Variants in SIPA1L1 observed in about 807,000 individuals in gnomAD.
SIPA1L1 encodes the protein signal induced proliferation associated 1 like 1, also known as signal-induced proliferation-associated 1-like protein 1.
In SIPA1L1, 26 loss-of-function variants were observed where a neutral mutation model predicts 162.7. The ratio of observed to expected loss-of-function variants is 0.16; its 90% CI spans 0.12 to 0.22. The LOEUF is 0.22. Among genes scored for constraint, SIPA1L1 ranks in the 10% least tolerant of loss-of-function variants. SIPA1L1 has a pLI of 1.00. For synonymous variants in SIPA1L1, 829 were observed against 837.4 expected, an observed-to-expected ratio of 0.99 and a Z score of 0.17; for missense variants, 1,874 against 2,241.0, an observed-to-expected ratio of 0.84 and a Z score of 3.31.
chr14:71,740,544 C>T lies in SIPA1L1; in HGVS notation c.*1383C>T, dbSNP rs1408196091. 1 of 152,200 alleles carries T rather than the reference C, an allele frequency of 6.6e-6. No homozygotes were observed. The highest frequency in any genetic ancestry group is 2.4e-5 in the African/African-American group (1 of 41,446). 9.4% of individuals were successfully genotyped at this position (152,200 alleles called of 1,614,324 possible). ...CTCTGGTCTAAGGGAACATTCAGCA[C>T]TCTAGCGGCATCTGATTGGAAGTTC... On this transcript the variant is annotated 3_prime_UTR_variant, in exon 24 of 24. Transcript: ENST00000381232.
At chr14:71,348,417 A>G (rs1356790963) in intron 2 of SIPA1L1, among the ~76,000 whole-genome samples, 1 of 152,158 alleles carries the variant, frequency 6.6e-6, no homozygotes, top group East Asian at 1.9e-4. Flanking sequence ...AAATTTATCC[A>G]TGTATTTCCT....
At chr14:71,492,520 A>G (rs1464188776) in intron 2 of SIPA1L1, among the ~76,000 whole-genome samples, 1 of 152,208 alleles carries the variant, frequency 6.6e-6, no homozygotes, top group Non-Finnish European at 1.5e-5. Context: ...GATATAGGTC[A>G]TGTTAATATA....
At chr14:71,502,253 A>ATATATATATATATAT (rs1555440974) in intron 2 of SIPA1L1, among the ~76,000 whole-genome samples, 44 of 89,878 alleles carry the variant, frequency 4.9e-4, no homozygotes, top group African/African-American at 1.5e-3. Context: ...AAAAAAAAAA[A>ATATATATATATATAT]AAATATATAT....
At chr14:71,328,103 T>C (rs2034050570) in intron 2 of SIPA1L1, among the ~76,000 whole-genome samples, 1 of 152,220 alleles carries the variant, frequency 6.6e-6, no homozygotes, top group African/African-American at 2.4e-5. Context: ...TTGTTTTATT[T>C]TTTAAATTAG....
At chr14:71,444,643 A>G (rs969000722) in intron 2 of SIPA1L1, among the ~76,000 whole-genome samples, 2 of 152,144 alleles carry the variant, frequency 1.3e-5, no homozygotes, top group Admixed American at 6.5e-5. Flanking sequence ...GTGAAAAGCA[A>G]GACTGACCTC....
intron 8 of SIPA1L1, among the ~76,000 whole-genome samples, chr14:71,651,734 C>G (rs1388672522): frequency 1.3e-5 from 2 of 152,096 alleles, no homozygotes; most frequent in Non-Finnish European, 2.9e-5. Flanking sequence ...AATGAATGGT[C>G]AGACTGGGAG....
At chr14:71,444,918 G>A (rs1434361654) in intron 2 of SIPA1L1, among the ~76,000 whole-genome samples, 1 of 152,180 alleles carries the variant, frequency 6.6e-6, no homozygotes, top group African/African-American at 2.4e-5. Context: ...TGCTTGTTCT[G>A]TGCCTAGAAG....
At chr14:71,668,833 C>G (rs542266527) in intron 10 of SIPA1L1, among the ~76,000 whole-genome samples, 90 of 152,312 alleles carry the variant, frequency 5.9e-4, no homozygotes, top group African/African-American at 2.1e-3. Flanking sequence ...AATATACATA[C>G]AGCCAAGCAG....
intron 2 of SIPA1L1, among the ~76,000 whole-genome samples, chr14:71,358,141 C>T (rs1787525640): frequency 6.6e-6 from 1 of 152,090 alleles, no homozygotes; most frequent in African/African-American, 2.4e-5. Context: ...GGATTACAGG[C>T]ATGAGCCACT....
At chr14:71,636,734 A>G (rs1006442227) in intron 7 of SIPA1L1, among the ~76,000 whole-genome samples, 5 of 152,158 alleles carry the variant, frequency 3.3e-5, no homozygotes, top group African/African-American at 1.2e-4. Context: ...CATTTGAGGA[A>G]ATTAATGAAA....
intron 2 of SIPA1L1, among the ~76,000 whole-genome samples, chr14:71,427,967 GT>G (rs1362809576): frequency 2.0e-5 from 3 of 151,590 alleles, no homozygotes; most frequent in Admixed American, 6.6e-5. Flanking sequence ...TGATTTTGTT[GT>G]TGTTGTTGAA....
intron 4 of SIPA1L1, among the ~76,000 whole-genome samples, chr14:71,565,688 AT>A (rs1203690638): frequency 2.6e-5 from 4 of 152,172 alleles, no homozygotes; most frequent in Non-Finnish European, 5.9e-5. Flanking sequence ...TCCTTTAAAT[AT>A]TCTGGCCATG....
intron 2 of SIPA1L1, among the ~76,000 whole-genome samples, chr14:71,412,547 A>G (rs2042480847): frequency 6.6e-6 from 1 of 152,204 alleles, no homozygotes; most frequent in South Asian, 2.1e-4. Flanking sequence ...GTGTGAGGGC[A>G]TGATAGGCCC....
At chr14:71,324,506 C>T (rs1300048744) in intron 2 of SIPA1L1, among the ~76,000 whole-genome samples, 4 of 152,104 alleles carry the variant, frequency 2.6e-5, no homozygotes, top group African/African-American at 7.2e-5. Context: ...CTTAAGGAAA[C>T]GAACGATCTG....
At chr14:71,558,303 G>T (rs766675053) in intron 4 of SIPA1L1, among the ~76,000 whole-genome samples, 3 of 152,112 alleles carry the variant, frequency 2.0e-5, no homozygotes, top group Non-Finnish European at 4.4e-5. Context: ...CATTGTATGA[G>T]ATGTTTGGTG....
intron 7 of SIPA1L1, among the ~76,000 whole-genome samples, chr14:71,634,414 A>G (rs1048133150): frequency 1.3e-5 from 2 of 151,632 alleles, no homozygotes; most frequent in African/African-American, 4.8e-5. Context: ...AAAAAAAAAA[A>G]AAAACCCACC....
At chr14:71,413,573 G>C (rs1171063108) in intron 2 of SIPA1L1, among the ~76,000 whole-genome samples, 3 of 152,026 alleles carry the variant, frequency 2.0e-5, no homozygotes, top group African/African-American at 7.2e-5. Context: ...CCCCGTCTCT[G>C]CTAAAAACAC....
intron 2 of SIPA1L1, among the ~76,000 whole-genome samples, chr14:71,458,736 T>C (rs1216722131): frequency 1.3e-5 from 2 of 152,070 alleles, no homozygotes; most frequent in African/African-American, 4.8e-5. Context: ...ATTTCTCCCT[T>C]GACATTGCAG....
chr14:71,388,417 C>T (rs1344805753), intron 2 of SIPA1L1, among the ~76,000 whole-genome samples: 1 of 152,162 alleles, frequency 6.6e-6, no homozygotes, highest in Non-Finnish European at 1.5e-5. Context: ...CTACTGTGTA[C>T]ATTAAGGATT....
Sources: allele counts gnomAD v4.1 joint callset (sites outside exome capture counted in the v4.1 genomes callset), GRCh38; gene constraint gnomAD v4.1.1; transcripts MANE v1.5; gene names NCBI Gene and HGNC (gene_info 2026-07-23, HGNC 2026-07-21).